Variants in PARPBP observed in about 807,000 individuals in gnomAD.
PARPBP encodes the protein PARP1 binding protein.
A neutral mutation model predicts 50.0 loss-of-function variants in PARPBP; 52 were observed. The observed-to-expected ratio is 1.04, with a 90% CI of 0.83 to 1.31. PARPBP has a LOEUF of 1.31. Among genes scored for constraint, PARPBP ranks in the 50% most tolerant of loss-of-function variants. The pLI, the probability that PARPBP is intolerant of heterozygous loss-of-function variation, is 0.00. For synonymous variants in PARPBP, 244 were observed against 232.1 expected (o/e 1.05, Z -0.47); for missense variants, 697 against 672.0 (o/e 1.04, Z -0.41).
At position 102,148,308 on chromosome 12, in the gene PARPBP, C is replaced by G. The variant is rs1310474325; in HGVS notation, c.232C>G (p.Pro78Ala). Residue 78 changes from proline to alanine, a missense_variant, in exon 3 of 11, where the codon CCA becomes GCA. Physicochemically the swap from Pro to Ala is conservative, Grantham distance 27. Transcript: ENST00000327680. Reference sequence around the variant, plus strand: ...CTTGCTCCATGAGAAATTGAACTTACCAGTTGAAAACATGGACGTGACTGA... The same window carrying G: ...CTTGCTCCATGAGAAATTGAACTTAGCAGTTGAAAACATGGACGTGACTGA... The part of the protein sequence containing the change: ...KYLLHEKLNL[P>A]VENMDVTDHY... 2 of 1,606,554 alleles carry G rather than the reference C, an allele frequency of 1.2e-6. No homozygotes were observed. Among genetic ancestry groups the G allele is most frequent in the Non-Finnish European group, 8.5e-7 (1 of 1,174,248 alleles).
At chr12:102,170,905 C>CTTTTTTTTT (rs56390964) in intron 6 of PARPBP, among the ~76,000 whole-genome samples, 3 of 113,304 alleles carry the variant, frequency 2.6e-5, no homozygotes, top group Admixed American at 8.9e-5. Flanking sequence ...TTTAATTTTT[C>CTTTTTTTTT]TTTTTTTTTT....
intron 6 of PARPBP, among the ~76,000 whole-genome samples, chr12:102,167,681 A>G (rs1888290200): frequency 6.6e-6 from 1 of 152,066 alleles, no homozygotes; most frequent in Non-Finnish European, 1.5e-5. Flanking sequence ...CTGGCTAGCA[A>G]TATTCTGGGA....
At position 102,190,402 on chromosome 12, in the gene PARPBP, C is replaced by T. The variant is rs567026938; in HGVS notation, c.1264-4910C>T. Reference sequence around the variant, plus strand: ...AACCTTCCTGCCCTAAAGGACAAGGCTTCTCTAAAGATTTATACAGCTGAG... The same window carrying T: ...AACCTTCCTGCCCTAAAGGACAAGGTTTCTCTAAAGATTTATACAGCTGAG... On this transcript the variant is annotated intron_variant, in intron 9 of 10. Transcript: ENST00000327680. 3.9e-5 allele frequency among the ~76,000 whole-genome samples: 6 copies of T among 152,250 alleles called. No homozygotes were observed. In the South Asian group the frequency reaches 1.2e-3, roughly 32 times the overall value.
chr12:102,188,534 T>A (rs947931305), intron 9 of PARPBP, among the ~76,000 whole-genome samples: 2 of 152,122 alleles, frequency 1.3e-5, no homozygotes, highest in Non-Finnish European at 2.9e-5. Context: ...AGTCTTTCAC[T>A]GTGTCTGCCT....
At chr12:102,151,508 G>T in intron 3 of PARPBP, 1 of 1,133,980 alleles carries the variant, frequency 8.8e-7, no homozygotes, top group Non-Finnish European at 1.3e-6. Context: ...CAGTGAATGG[G>T]GTCCTTTGGG....
intron 2 of PARPBP, among the ~76,000 whole-genome samples, 153 bp downstream of exon 2, chr12:102,124,194 G>A (rs892841685): frequency 6.6e-6 from 1 of 152,108 alleles, no homozygotes; most frequent in Non-Finnish European, 1.5e-5. Context: ...CTGTGTATCT[G>A]TGTCAGAATG....
chr12:102,152,465 T>A (rs1886325893), intron 3 of PARPBP, among the ~76,000 whole-genome samples: 1 of 152,210 alleles, frequency 6.6e-6, no homozygotes, highest in East Asian at 1.9e-4. Context: ...TGGGTTACTA[T>A]AAATTTCGTG....
intron 6 of PARPBP, among the ~76,000 whole-genome samples, chr12:102,169,768 T>C (rs1194025900): frequency 6.6e-6 from 1 of 152,140 alleles, no homozygotes; most frequent in Admixed American, 6.5e-5. Context: ...ATTAAAACTT[T>C]TCAGTGATTC....
intron 4 of PARPBP, among the ~76,000 whole-genome samples, chr12:102,158,734 T>G (rs1310158448): frequency 6.6e-6 from 1 of 152,216 alleles, no homozygotes; most frequent in Admixed American, 6.5e-5. Flanking sequence ...GGTAGATTAC[T>G]TAAAGATCTC....
At chr12:102,129,320 T>G (rs1357269274) in intron 2 of PARPBP, among the ~76,000 whole-genome samples, 1 of 152,086 alleles carries the variant, frequency 6.6e-6, no homozygotes, top group East Asian at 1.9e-4. Flanking sequence ...GGGGTTGTTT[T>G]CTTATTGAGT....
intron 4 of PARPBP, among the ~76,000 whole-genome samples, chr12:102,156,411 C>G (rs141219353): frequency 0.023 from 3,397 of 150,848 alleles, 113 homozygotes; most frequent in African/African-American, 0.067. Context: ...CCAGGTTGGT[C>G]TCAATCTCCT....
intron 2 of PARPBP, among the ~76,000 whole-genome samples, chr12:102,130,921 A>G (rs1016711875): frequency 2.6e-5 from 4 of 152,172 alleles, no homozygotes; most frequent in African/African-American, 2.4e-5. Flanking sequence ...TCAAAAGAAG[A>G]CATACATGTG....
At position 102,164,738 on chromosome 12, in the gene PARPBP, C is replaced by T. The variant is rs1887960251; in HGVS notation, c.666+130C>T. On this transcript the variant is annotated intron_variant, in intron 5 of 10. Coordinates refer to ENST00000327680, the MANE Select transcript of PARPBP (RefSeq NM_017915.5). ...ATGTTCTACCTCTGTATTTGAAAAT[C>T]CATGGTATTTTAATTTTTTACCATA... is the stretch of plus-strand genomic sequence containing the variant. 3 of 755,454 alleles carry T rather than the reference C, an allele frequency of 4.0e-6. No homozygotes were observed. The Admixed American group carries it at 7.1e-5, about 18-fold the overall frequency. The allele number at this position is 755,454 out of a possible 1,614,324, so 46.8% of individuals were successfully genotyped here.
At chr12:102,134,832 A>G (rs1389816537) in intron 2 of PARPBP, among the ~76,000 whole-genome samples, 4 of 151,936 alleles carry the variant, frequency 2.6e-5, no homozygotes, top group Non-Finnish European at 5.9e-5. Context: ...ACGTACCACC[A>G]TGCCCAGCTA....
In PARPBP at chr12:102,165,844, A is replaced by G. The variant is rs781666296; in HGVS notation, c.782A>G (p.Asp261Gly). The change falls in exon 6 of 11, where the codon GAC becomes GGC. Residue 261 changes from aspartate (D) to glycine (G), a missense_variant. Coordinates refer to ENST00000327680, the MANE Select transcript of PARPBP (RefSeq NM_017915.5). ...KGLSNFINFI[D>G]KLDEILGEIP... Reference sequence around the variant, plus strand: ...TTGTCTAATTTTATTAATTTCATTGACAAATTAGATGAGATTCTTGGAGAA... The same window carrying G: ...TTGTCTAATTTTATTAATTTCATTGGCAAATTAGATGAGATTCTTGGAGAA... The G allele has an allele frequency of 1.3e-6, 2 of 1,578,984 alleles. No individual in the cohort carries two copies. Among genetic ancestry groups the G allele is most frequent in the Non-Finnish European group, 1.7e-6 (2 of 1,149,594 alleles).
intron 9 of PARPBP, among the ~76,000 whole-genome samples, chr12:102,187,000 A>G (rs1167393381): frequency 6.6e-6 from 1 of 151,748 alleles, no homozygotes. Context: ...AGAAACTTCA[A>G]ATTTAACCTT....
In PARPBP at chr12:102,161,511, A is replaced by T. The variant is rs115162299; in HGVS notation, c.496-2927A>T. 5.3e-3 allele frequency among the ~76,000 whole-genome samples: 803 copies of T among 152,290 alleles called. 2 individuals are homozygous for T. Among genetic ancestry groups the T allele is most frequent in the African/African-American group, 0.017 (702 of 41,548 alleles). On this transcript the variant is annotated intron_variant, in intron 4 of 10. Transcript: ENST00000327680. ...ATCATTGAATGAAAACTCATTGAGA[A>T]CCTATTGACAAAAACAGATTGATTA...
intron 9 of PARPBP, among the ~76,000 whole-genome samples, chr12:102,183,328 C>G (rs1397106548): frequency 6.6e-6 from 1 of 152,048 alleles, no homozygotes; most frequent in African/African-American, 2.4e-5. Flanking sequence ...CATCCTTAAA[C>G]TGTCAAATAT....
chr12:102,178,303 A>G (rs1889482107), intron 7 of PARPBP, among the ~76,000 whole-genome samples: 1 of 152,232 alleles, frequency 6.6e-6, no homozygotes, highest in African/African-American at 2.4e-5. Context: ...CTGATGTCAC[A>G]TAGCTAGATA....
Sources: gnomAD v4.1 joint callset for allele counts (sites outside exome capture counted in the v4.1 genomes callset) on GRCh38, gnomAD v4.1.1 for gene constraint, MANE v1.5 for transcripts, NCBI Gene and HGNC (gene_info 2026-07-23, HGNC 2026-07-21) for gene names.